Variants in CCBE1 observed in about 807,000 individuals in gnomAD.
CCBE1 encodes collagen and calcium-binding EGF domain-containing protein 1.
A neutral mutation model predicts 50.0 loss-of-function variants in CCBE1; 37 were observed. The observed-to-expected ratio is 0.74, with a 90% CI of 0.57 to 0.97. CCBE1 has a LOEUF of 0.97. Among genes scored for constraint, CCBE1 ranks in the 50% least tolerant of loss-of-function variants. The pLI is 0.00. For synonymous variants in CCBE1, 234 were observed against 203.7 expected (o/e 1.15, Z -1.27); for missense variants, 538 against 523.8 (o/e 1.03, Z -0.26).
At chr18:59,630,178 C>T (rs1329151211) in intron 2 of CCBE1, among the ~76,000 whole-genome samples, 2 of 151,988 alleles carry the variant, frequency 1.3e-5, no homozygotes, top group Admixed American at 6.6e-5. Flanking sequence ...GCCTCATGCT[C>T]GTGCTCTGTT....
In CCBE1 at chr18:59,646,663, G is replaced by A. The variant is rs546612343; in HGVS notation, c.212+49966C>T. On this transcript the variant is annotated intron_variant, in intron 2 of 10. Transcript: ENST00000439986. ...GTCTAACCTAATACAGTTAAGAATA[G>A]CTGCCCTAGAGGAATAAACACTCCC... Among the ~76,000 whole-genome samples, 3 of 152,324 alleles carry A rather than the reference G, an allele frequency of 2.0e-5. No individual in the cohort carries two copies. In the South Asian group the frequency reaches 6.2e-4, roughly 32 times the overall value.
chr18:59,518,763 G>A (rs545500773), intron 2 of CCBE1, among the ~76,000 whole-genome samples: 2 of 152,266 alleles, frequency 1.3e-5, no homozygotes, highest in South Asian at 4.2e-4. Flanking sequence ...CCCACAGCTG[G>A]CCTCTGCATC....
chr18:59,685,446 AG>A (rs141041874), intron 2 of CCBE1, among the ~76,000 whole-genome samples: 304 of 152,360 alleles, frequency 2.0e-3, no homozygotes, highest in Non-Finnish European at 3.3e-3. Context: ...GCAATTGCAA[AG>A]GACACAAGAG....
chr18:59,639,595 G>GC (rs2053958136), intron 2 of CCBE1, among the ~76,000 whole-genome samples: 1 of 152,102 alleles, frequency 6.6e-6, no homozygotes, highest in Admixed American at 6.5e-5. Context: ...AGACAAAGAC[G>GC]CCCTCTCTCA....
intron 2 of CCBE1, among the ~76,000 whole-genome samples, chr18:59,521,501 C>T (rs1337101239): frequency 6.6e-6 from 1 of 152,064 alleles, no homozygotes; most frequent in Non-Finnish European, 1.5e-5. Context: ...TCTGAGAAAA[C>T]ACATGGCCTC....
intron 2 of CCBE1, among the ~76,000 whole-genome samples, chr18:59,508,287 T>C (rs1353429872): frequency 2.0e-5 from 3 of 152,080 alleles, no homozygotes; most frequent in Admixed American, 1.3e-4. Context: ...AGTTTTATCA[T>C]CTGCTAAATG....
At chr18:59,687,020 G>A (rs1467627914) in intron 2 of CCBE1, among the ~76,000 whole-genome samples, 1 of 152,180 alleles carries the variant, frequency 6.6e-6, no homozygotes, top group Non-Finnish European at 1.5e-5. Flanking sequence ...CAACAAGTCT[G>A]TGGTCTAAGT....
intron 2 of CCBE1, among the ~76,000 whole-genome samples, chr18:59,590,781 A>G (rs1568222776): frequency 1.3e-5 from 2 of 152,250 alleles, no homozygotes; most frequent in Non-Finnish European, 2.9e-5. Context: ...GGGTTTTAAT[A>G]AGTTGTATTA....
chr18:59,519,804 G>A (rs1205005333), intron 2 of CCBE1, among the ~76,000 whole-genome samples: 1 of 152,142 alleles, frequency 6.6e-6, no homozygotes. Flanking sequence ...TATGGTTTTA[G>A]GTCTTACATT....
chr18:59,492,098 T>A lies in CCBE1; in HGVS notation c.213-11860A>T, dbSNP rs140202174. Among the ~76,000 whole-genome samples the A allele has an allele frequency of 7.8e-3, 1,052 of 135,616 alleles. 8 individuals are homozygous for A. The highest frequency in any genetic ancestry group is 0.023 in the Middle Eastern group (5 of 216). 89.0% of individuals were successfully genotyped at this position (135,616 alleles called of 152,430 possible). ...AGGGGGAGGTTGCAGTGGGCCAAGA[T>A]TGTGCCACTGCACTCCAGCCTGGGC... On this transcript the variant is annotated intron_variant, in intron 2 of 10. Coordinates refer to ENST00000439986, the MANE Select transcript of CCBE1 (RefSeq NM_133459.4).
intron 2 of CCBE1, among the ~76,000 whole-genome samples, chr18:59,570,324 A>G (rs1284425193): frequency 6.6e-6 from 1 of 152,020 alleles, no homozygotes; most frequent in Non-Finnish European, 1.5e-5. Flanking sequence ...GAGACACAAA[A>G]CGTTTAGTGA....
chr18:59,533,339 AAACTTAAGCC>A (rs1915122517), intron 2 of CCBE1, among the ~76,000 whole-genome samples: 1 of 152,210 alleles, frequency 6.6e-6, no homozygotes, highest in Non-Finnish European at 1.5e-5. Flanking sequence ...ACGAAAATTG[AAACTTAAGCC>A]AAGGTAAACT....
At chr18:59,534,010 T>G (rs1394217170) in intron 2 of CCBE1, among the ~76,000 whole-genome samples, 1 of 151,838 alleles carries the variant, frequency 6.6e-6, no homozygotes, top group East Asian at 1.9e-4. Flanking sequence ...CATTGAGAGA[T>G]TCCAAAGAAA....
intron 2 of CCBE1, among the ~76,000 whole-genome samples, chr18:59,599,322 A>G (rs1172526102): frequency 1.3e-5 from 2 of 152,184 alleles, no homozygotes; most frequent in South Asian, 4.1e-4. Context: ...ATTTAGAACT[A>G]ATTTTAAAAG....
chr18:59,695,171 C>A (rs1442906500), intron 2 of CCBE1, among the ~76,000 whole-genome samples: 1 of 152,196 alleles, frequency 6.6e-6, no homozygotes, highest in Non-Finnish European at 1.5e-5. Flanking sequence ...AATGAGCAAA[C>A]CATCTCAGAG....
chr18:59,522,764 C>T (rs926126272), intron 2 of CCBE1, among the ~76,000 whole-genome samples: 11 of 151,872 alleles, frequency 7.2e-5, no homozygotes, highest in Non-Finnish European at 1.3e-4. Flanking sequence ...CCGAGGCGGG[C>T]GTATCATGAG....
At chr18:59,559,929 A>C (rs1017447013) in intron 2 of CCBE1, among the ~76,000 whole-genome samples, 1 of 152,120 alleles carries the variant, frequency 6.6e-6, no homozygotes, top group African/African-American at 2.4e-5. Flanking sequence ...GGGACAGTCC[A>C]CCAAGAGCCA....
Position 59,622,837 on chromosome 18 carries a change from A to AAG in CCBE1, c.212+73791_212+73792insCT, listed in dbSNP as rs1356106129. Among the ~76,000 whole-genome samples, 3 of 151,300 alleles carry AAG rather than the reference A, an allele frequency of 2.0e-5. No individual in the cohort carries two copies. The East Asian group carries it at 5.8e-4, about 29-fold the overall frequency. On this transcript the variant is annotated intron_variant, in intron 2 of 10. Coordinates refer to ENST00000439986, the MANE Select transcript of CCBE1 (RefSeq NM_133459.4). ...GAAAGAAAAAGAAAAAAGAAAAAAA[A>AAG]AAAAGATGCCAGGGTCTGGGGGAGG...
Position 59,510,030 on chromosome 18 carries a change from G to A in CCBE1, c.213-29792C>T, listed in dbSNP as rs552909415. Among the ~76,000 whole-genome samples, 27 of 152,298 alleles carry A rather than the reference G, an allele frequency of 1.8e-4. No individual in the cohort carries two copies. In the South Asian group the frequency reaches 2.7e-3, roughly 15 times the overall value. On this transcript the variant is annotated intron_variant, in intron 2 of 10. Transcript: ENST00000439986. Reference sequence around the variant, plus strand: ...CGGAACCCAAACACCAAGCTGCACTGGTGCTGGGAGTTCAAATTGTGAAAT... The same window carrying A: ...CGGAACCCAAACACCAAGCTGCACTAGTGCTGGGAGTTCAAATTGTGAAAT...
Sources: gnomAD v4.1 joint callset for allele counts (sites outside exome capture counted in the v4.1 genomes callset) on GRCh38, gnomAD v4.1.1 for gene constraint, MANE v1.5 for transcripts, NCBI Gene and HGNC (gene_info 2026-07-23, HGNC 2026-07-21) for gene names.